ALK: variants seen among roughly 807,000 people sequenced by gnomAD.
The protein encoded by ALK is ALK tyrosine kinase receptor.
Under a neutral mutation model 163.1 loss-of-function variants are expected in ALK, and 74 were observed. The ratio of observed to expected loss-of-function variants is 0.45; its 90% CI spans 0.38 to 0.55. ALK has a LOEUF of 0.55. Ranked by LOEUF, ALK falls within the 20% of genes least tolerant of loss-of-function variation. The pLI is 0.00. For missense variants in ALK, 2,063 were observed against 2,105.3 expected (o/e 0.98, Z 0.39); for synonymous variants, 960 against 843.2 (o/e 1.14, Z -2.40).
chr2:29,764,552 G>C (rs1382886291), intron 1 of ALK, among the ~76,000 whole-genome samples: 1 of 152,072 alleles, frequency 6.6e-6, no homozygotes, highest in African/African-American at 2.4e-5. Context: ...CACACACTTG[G>C]GGCCAGGCAC....
intron 4 of ALK, among the ~76,000 whole-genome samples, chr2:29,452,464 G>A (rs564591168): frequency 4.0e-5 from 6 of 151,308 alleles, no homozygotes; most frequent in Non-Finnish European, 5.9e-5. Flanking sequence ...TCTTTATAAC[G>A]CTTTCATTAA....
Position 29,477,329 on chromosome 2 carries a change from A to G in ALK, c.1154+54586T>C, listed in dbSNP as rs74642245. Reference sequence around the variant, plus strand: ...CAGCTGTGTGGTCTGGGACACATTTACTTAAGCTTTCTGAGATTCCACATT... The same window carrying G: ...CAGCTGTGTGGTCTGGGACACATTTGCTTAAGCTTTCTGAGATTCCACATT... On this transcript the variant is annotated intron_variant, in intron 4 of 28. Coordinates refer to ENST00000389048, the MANE Select transcript of ALK (RefSeq NM_004304.5). Among the ~76,000 whole-genome samples, 26 of 152,308 alleles carry G rather than the reference A, an allele frequency of 1.7e-4. No homozygotes were observed. The East Asian group carries it at 4.8e-3, about 28-fold the overall frequency.
At chr2:29,416,550 A>G (rs906035464) in intron 4 of ALK, among the ~76,000 whole-genome samples, 2 of 152,258 alleles carry the variant, frequency 1.3e-5, no homozygotes, top group Non-Finnish European at 2.9e-5. Context: ...CATAAAAATC[A>G]TTAAGGAAAG....
intron 5 of ALK, among the ~76,000 whole-genome samples, chr2:29,366,668 G>C (rs1668515707): frequency 6.6e-6 from 1 of 152,150 alleles, no homozygotes; most frequent in Admixed American, 6.5e-5. Flanking sequence ...GGAGTAGATG[G>C]CTCTTCCAAT....
At chr2:29,776,023 T>G (rs1441628929) in intron 1 of ALK, among the ~76,000 whole-genome samples, 1 of 152,152 alleles carries the variant, frequency 6.6e-6, no homozygotes, top group African/African-American at 2.4e-5. Flanking sequence ...ATTGCCACTT[T>G]TGAAGCAGCA....
intron 9 of ALK, among the ~76,000 whole-genome samples, chr2:29,281,271 T>C (rs1248899827): frequency 6.6e-6 from 1 of 152,076 alleles, no homozygotes; most frequent in East Asian, 1.9e-4. Flanking sequence ...TCTGCCCCAC[T>C]TTGAAACCTC....
At chr2:29,736,212 G>A (rs1679887906) in intron 1 of ALK, among the ~76,000 whole-genome samples, 1 of 151,952 alleles carries the variant, frequency 6.6e-6, no homozygotes, top group South Asian at 2.1e-4. Context: ...TTATATGCTT[G>A]GAAAATTACA....
intron 1 of ALK, among the ~76,000 whole-genome samples, chr2:29,811,009 C>G (rs1358964634): frequency 6.6e-6 from 1 of 152,012 alleles, no homozygotes; most frequent in East Asian, 1.9e-4. Context: ...TGATCTTGGA[C>G]TTCTAGTTTC....
intron 1 of ALK, among the ~76,000 whole-genome samples, chr2:29,782,665 A>G (rs1663867032): frequency 6.6e-6 from 1 of 152,184 alleles, no homozygotes; most frequent in South Asian, 2.1e-4. Flanking sequence ...ATTGAAAGCC[A>G]GGACCTAATT....
At chr2:29,830,002 T>A (rs988323531) in intron 1 of ALK, among the ~76,000 whole-genome samples, 2 of 152,238 alleles carry the variant, frequency 1.3e-5, no homozygotes, top group African/African-American at 4.8e-5. Context: ...CTCTCCATTC[T>A]GGGCATCCTT....
chr2:29,197,466 C>G (rs1669050675), intron 27 of ALK, 76 bp downstream of exon 27: 1 of 1,598,946 alleles, frequency 6.3e-7, no homozygotes, highest in Admixed American at 1.7e-5. Context: ...CTTAAAGAAG[C>G]ATATGTGGCT....
chr2:29,621,487 A>G lies in ALK; in HGVS notation c.952+73363T>C, dbSNP rs374086291. On this transcript the variant is annotated intron_variant, in intron 3 of 28. Transcript: ENST00000389048. ...CTGATGGTCAGGCACAGTTTATCCCAGGACACTGATTTCACACTCCATGTA... is the reference window on the plus strand; with the variant it reads ...CTGATGGTCAGGCACAGTTTATCCCGGGACACTGATTTCACACTCCATGTA... 2.6e-4 allele frequency among the ~76,000 whole-genome samples: 39 copies of G among 152,302 alleles called. No homozygotes were observed. The South Asian group carries it at 7.9e-3, about 31-fold the overall frequency.
At chr2:29,873,324 G>T (rs1434318565) in intron 1 of ALK, among the ~76,000 whole-genome samples, 1 of 152,176 alleles carries the variant, frequency 6.6e-6, no homozygotes, top group Non-Finnish European at 1.5e-5. Flanking sequence ...ATTTGTAGGG[G>T]GTGGAGGAAG....
chr2:29,561,931 A>G (rs1401590541), intron 3 of ALK, among the ~76,000 whole-genome samples: 1 of 152,122 alleles, frequency 6.6e-6, no homozygotes, highest in African/African-American at 2.4e-5. Flanking sequence ...TGATGTTTCA[A>G]AAGGTTTTCA....
chr2:29,316,974 C>G (rs564955393), intron 8 of ALK, among the ~76,000 whole-genome samples: 1 of 152,132 alleles, frequency 6.6e-6, no homozygotes, highest in African/African-American at 2.4e-5. Flanking sequence ...CCAAGTGGAG[C>G]CTTGGTTTTA....
At chr2:29,416,080 T>A (rs554889410) in intron 4 of ALK, among the ~76,000 whole-genome samples, 351 of 152,340 alleles carry the variant, frequency 2.3e-3, no homozygotes, top group Non-Finnish European at 3.9e-3. Context: ...GTGGGACTTA[T>A]CAGCCTCTAT....
intron 1 of ALK, among the ~76,000 whole-genome samples, chr2:29,742,415 G>A (rs547839530): frequency 6.6e-6 from 1 of 152,198 alleles, no homozygotes. Flanking sequence ...AGAGATGGGC[G>A]GCCTTGCCTC....
chr2:29,239,957 G>C, intron 12 of ALK, 127 bp from the exon 13 acceptor site: 1 of 1,127,734 alleles, frequency 8.9e-7, no homozygotes, highest in Non-Finnish European at 1.2e-6. Flanking sequence ...CCCCATATCA[G>C]TCCCTGCAGA....
At chr2:29,277,814 C>A (rs2148216989) in intron 9 of ALK, among the ~76,000 whole-genome samples, 1 of 152,362 alleles carries the variant, frequency 6.6e-6, no homozygotes, top group East Asian at 1.9e-4. Flanking sequence ...GCCACTCTGG[C>A]ACTGGGGTGT....
Sources: gnomAD v4.1 joint callset for allele counts (sites outside exome capture counted in the v4.1 genomes callset) on GRCh38, gnomAD v4.1.1 for gene constraint, MANE v1.5 for transcripts, NCBI Gene and HGNC (gene_info 2026-07-23, HGNC 2026-07-21) for gene names.